The following OPCML variants were observed in gnomAD, a reference collection of about 807,000 sequenced individuals.
The protein encoded by OPCML is opioid-binding protein/cell adhesion molecule.
A neutral mutation model predicts 37.8 loss-of-function variants in OPCML; 13 were observed. The ratio of observed to expected loss-of-function variants is 0.34; its 90% CI spans 0.22 to 0.55. OPCML has a LOEUF of 0.55. Among genes scored for constraint, OPCML ranks in the 20% least tolerant of loss-of-function variants. OPCML has a pLI of 0.91. For missense variants in OPCML, 341 were observed against 435.6 expected (o/e 0.78, Z 1.93); for synonymous variants, 176 against 168.8 (o/e 1.04, Z -0.33).
chr11:133,175,727 C>T (rs1950363324), intron 1 of OPCML, among the ~76,000 whole-genome samples: 1 of 151,614 alleles, frequency 6.6e-6, no homozygotes, highest in Non-Finnish European at 1.5e-5. Flanking sequence ...ATGACGAACC[C>T]ACTGAGGTCA....
chr11:133,284,818 A>G (rs1207018762), intron 1 of OPCML, among the ~76,000 whole-genome samples: 1 of 152,160 alleles, frequency 6.6e-6, no homozygotes, highest in Non-Finnish European at 1.5e-5. Context: ...AAATAGGGAT[A>G]ATAATAGGTC....
intron 2 of OPCML, among the ~76,000 whole-genome samples, chr11:132,741,326 T>C (rs1024323299): frequency 6.6e-6 from 1 of 152,188 alleles, no homozygotes; most frequent in African/African-American, 2.4e-5. Flanking sequence ...CCCACTCATA[T>C]ACCTGAATCT....
At chr11:132,428,209 A>G (rs948709606) in intron 7 of OPCML, among the ~76,000 whole-genome samples, 1 of 152,226 alleles carries the variant, frequency 6.6e-6, no homozygotes, top group Non-Finnish European at 1.5e-5. Context: ...GCCAGAACGC[A>G]AGGGAAAGTC....
intron 1 of OPCML, among the ~76,000 whole-genome samples, chr11:133,043,475 C>T (rs954490523): frequency 3.3e-5 from 5 of 152,170 alleles, no homozygotes; most frequent in Non-Finnish European, 1.5e-5. Flanking sequence ...TCATGAACCA[C>T]CTGCTGTTCT....
intron 1 of OPCML, among the ~76,000 whole-genome samples, chr11:133,060,573 G>T (rs2136987308): frequency 6.6e-6 from 1 of 152,304 alleles, no homozygotes; most frequent in East Asian, 1.9e-4. Flanking sequence ...GGAGGGGAGG[G>T]GCAGCCACCA....
intron 1 of OPCML, among the ~76,000 whole-genome samples, chr11:133,531,827 A>G (rs1317413962): frequency 4.6e-5 from 7 of 152,136 alleles, no homozygotes; most frequent in Admixed American, 2.6e-4. Flanking sequence ...ATTCAGAAAC[A>G]GAGAGAGACC....
intron 2 of OPCML, among the ~76,000 whole-genome samples, chr11:132,683,880 A>C (rs1432403714): frequency 1.3e-5 from 2 of 152,172 alleles, no homozygotes; most frequent in Non-Finnish European, 2.9e-5. Flanking sequence ...GCATTGCATC[A>C]TATCAAAGCT....
intron 3 of OPCML, among the ~76,000 whole-genome samples, chr11:132,535,268 G>C (rs893163094): frequency 2.7e-4 from 41 of 151,920 alleles, no homozygotes; most frequent in Admixed American, 2.6e-3. Context: ...TGAGCTATTG[G>C]GCCTAAGCAA....
rs1439830907 is a variant in OPCML at position 133,037,111 on chromosome 11, T to C, written c.62-94101A>G. Among the ~76,000 whole-genome samples the C allele has an allele frequency of 1.2e-4, 18 of 152,048 alleles. 1 individual carries two copies. The highest frequency in any genetic ancestry group is 1.1e-3 in the Admixed American group (17 of 15,262). On this transcript the variant is annotated intron_variant, in intron 1 of 7. Coordinates refer to ENST00000524381, the MANE Select transcript of OPCML (RefSeq NM_001012393.5). ...CTATCCAGTCCCCTAGAAGAGGGCA[T>C]TGAGGATAGTGAAAGGCTGAAAATC...
intron 1 of OPCML, among the ~76,000 whole-genome samples, chr11:133,429,998 G>A (rs996855364): frequency 6.6e-6 from 1 of 152,192 alleles, no homozygotes; most frequent in African/African-American, 2.4e-5. Context: ...AGAGAGAAAA[G>A]TCCATGGGCA....
chr11:132,436,312 C>A (rs1198127748), intron 6 of OPCML, 75 bp from the exon 7 acceptor site: 26 of 1,608,124 alleles, frequency 1.6e-5, no homozygotes, highest in Non-Finnish European at 2.2e-5. Context: ...TTTTCTCCAA[C>A]TAATCTCGTC....
intron 2 of OPCML, among the ~76,000 whole-genome samples, chr11:132,821,210 T>C (rs1399107700): frequency 1.3e-5 from 2 of 152,214 alleles, no homozygotes; most frequent in Non-Finnish European, 2.9e-5. Context: ...GCTGAGATTC[T>C]CCTGCTAGCT....
At chr11:133,266,660 T>C (rs775339500) in intron 1 of OPCML, among the ~76,000 whole-genome samples, 1 of 152,194 alleles carries the variant, frequency 6.6e-6, no homozygotes, top group East Asian at 1.9e-4. Context: ...TTGGAGACAA[T>C]TCTTGTCTTA....
chr11:133,213,812 T>C (rs1320748923), intron 1 of OPCML, among the ~76,000 whole-genome samples: 1 of 152,210 alleles, frequency 6.6e-6, no homozygotes, highest in Non-Finnish European at 1.5e-5. Context: ...ATTGATCTTA[T>C]AAAATAAGTA....
intron 4 of OPCML, among the ~76,000 whole-genome samples, chr11:132,516,721 G>C (rs1174919160): frequency 6.6e-6 from 1 of 152,030 alleles, no homozygotes; most frequent in African/African-American, 2.4e-5. Context: ...GAGAGGCTGA[G>C]TTTCAGTCAC....
chr11:133,361,597 A>AGCTATTCCGGGGCG (rs1944422159), intron 1 of OPCML: 1 of 161,122 alleles, frequency 6.2e-6, no homozygotes, highest in African/African-American at 2.5e-5. Flanking sequence ...ATTCCGGGGC[A>AGCTATTCCGGGGCG]CCTGCAGCTA....
intron 1 of OPCML, among the ~76,000 whole-genome samples, chr11:133,278,007 C>A (rs912851410): frequency 1.3e-5 from 2 of 152,124 alleles, no homozygotes; most frequent in South Asian, 2.1e-4. Flanking sequence ...GCCTCAGCAG[C>A]CCTTTTAAAT....
intron 1 of OPCML, among the ~76,000 whole-genome samples, chr11:133,320,767 A>G (rs924885275): frequency 3.9e-4 from 59 of 152,184 alleles, no homozygotes; most frequent in Non-Finnish European, 6.6e-4. Flanking sequence ...TTAGAATTGG[A>G]TGGTTTTCCT....
chr11:133,500,438 G>A (rs1053465899), intron 1 of OPCML, among the ~76,000 whole-genome samples: 1 of 152,172 alleles, frequency 6.6e-6, no homozygotes, highest in Non-Finnish European at 1.5e-5. Flanking sequence ...AGGGTGTTTT[G>A]CATATTTAAA....
Sources: allele counts gnomAD v4.1 joint callset (sites outside exome capture counted in the v4.1 genomes callset), GRCh38; gene constraint gnomAD v4.1.1; transcripts MANE v1.5; gene names NCBI Gene and HGNC (gene_info 2026-07-23, HGNC 2026-07-21).